The following DNAH7 variants were observed in gnomAD, a reference collection of about 807,000 sequenced individuals.
DNAH7 encodes the protein dynein axonemal heavy chain 7, also known as axonemal beta dynein heavy chain 7.
DNAH7 carries 397 observed loss-of-function variants against 444.6 expected under a neutral mutation model. That is an observed-to-expected ratio of 0.89 (90% CI 0.82 to 0.97). The LOEUF is 0.97. DNAH7 is among the 50% of genes least tolerant of loss of function. DNAH7 has a pLI of 0.00. For missense variants in DNAH7, 4,902 were observed against 4,800.8 expected (o/e 1.02, Z -0.62); for synonymous variants, 1,636 against 1,624.4 (o/e 1.01, Z -0.17).
chr2:195,835,402 TGAAAA>T (rs1698313163), intron 47 of DNAH7, among the ~76,000 whole-genome samples: 1 of 127,066 alleles, frequency 7.9e-6, no homozygotes, highest in East Asian at 2.2e-4. Context: ...AAAAAAAAAT[TGAAAA>T]GAAAAAAAGG....
intron 56 of DNAH7, among the ~76,000 whole-genome samples, chr2:195,795,153 G>A (rs996675571): frequency 6.6e-6 from 1 of 152,232 alleles, no homozygotes; most frequent in South Asian, 2.1e-4. Flanking sequence ...GGCCAAGGCA[G>A]GCAGATCACC....
At chr2:195,930,577 G>A (rs565189013) in intron 21 of DNAH7, among the ~76,000 whole-genome samples, 1 of 152,122 alleles carries the variant, frequency 6.6e-6, no homozygotes, top group African/African-American at 2.4e-5. Context: ...ACTATTGGTG[G>A]GATTGTAAGT....
intron 63 of DNAH7, among the ~76,000 whole-genome samples, chr2:195,744,109 T>C (rs1559065348): frequency 6.6e-6 from 1 of 152,170 alleles, no homozygotes; most frequent in Non-Finnish European, 1.5e-5. Flanking sequence ...CCTTTCCTAG[T>C]CAAAGAAAGG....
intron 17 of DNAH7, among the ~76,000 whole-genome samples, chr2:195,963,713 A>G (rs1691268343): frequency 1.3e-5 from 2 of 152,162 alleles, no homozygotes; most frequent in African/African-American, 2.4e-5. Context: ...AGTTTCTCCA[A>G]TGTTTCTTGT....
chr2:195,741,043 C>T (rs1422296414), intron 63 of DNAH7, 174 bp from the exon 64 acceptor site: 1 of 311,370 alleles, frequency 3.2e-6, no homozygotes, highest in Non-Finnish European at 5.9e-6. Context: ...ATTTCAAGAA[C>T]ATTGAAACTT....
chr2:195,924,755 C>G (rs189534033), intron 22 of DNAH7, among the ~76,000 whole-genome samples: 1 of 152,064 alleles, frequency 6.6e-6, no homozygotes. Flanking sequence ...TATAAAGATG[C>G]TAATAAACAA....
At chr2:195,824,154 T>C in intron 49 of DNAH7, 101 bp downstream of exon 49, 1 of 1,136,018 alleles carries the variant, frequency 8.8e-7, no homozygotes, top group Non-Finnish European at 1.2e-6. Flanking sequence ...TAAGGCAAAA[T>C]CCGTTTTTCT....
intron 60 of DNAH7, among the ~76,000 whole-genome samples, chr2:195,773,865 A>C (rs568088585): frequency 6.6e-6 from 1 of 152,368 alleles, no homozygotes; most frequent in African/African-American, 2.4e-5. Context: ...CAAACTTCTT[A>C]GCTCTGATAG....
At chr2:196,052,033 T>C (rs1697506034) in intron 2 of DNAH7, among the ~76,000 whole-genome samples, 1 of 152,248 alleles carries the variant, frequency 6.6e-6, no homozygotes, top group Non-Finnish European at 1.5e-5. Flanking sequence ...TTTTTACTTG[T>C]ATGCTTATAT....
intron 10 of DNAH7, among the ~76,000 whole-genome samples, chr2:196,004,757 C>G (rs1005082749): frequency 6.7e-6 from 1 of 148,602 alleles, no homozygotes; most frequent in Non-Finnish European, 1.5e-5. Flanking sequence ...CAAGACCAGC[C>G]TGGACAACAT....
In DNAH7 at chr2:195,794,541, G is replaced by A; in HGVS notation, c.10516-3C>T. 4.3e-6 allele frequency: 7 copies of A among 1,613,584 alleles called. No homozygotes were observed. The highest frequency in any genetic ancestry group is 5.9e-6 in the Non-Finnish European group (7 of 1,179,572). On this transcript the variant is annotated splice_region_variant and splice_polypyrimidine_tract_variant and intron_variant, in intron 56 of 64. Coordinates refer to ENST00000312428, the MANE Select transcript of DNAH7 (RefSeq NM_018897.3). ...TGTGTTGACTCTGGGCTTAACTCCT[G>A]TAAGAAAATAAATCAGATACAAAAG...
At chr2:196,053,980 T>C (rs1298365089) in intron 2 of DNAH7, among the ~76,000 whole-genome samples, 1 of 152,198 alleles carries the variant, frequency 6.6e-6, no homozygotes, top group Admixed American at 6.5e-5. Context: ...GATGCAGCGC[T>C]ACCTGACCCT....
rs180962980 is a variant in DNAH7, at chr2:196,065,364, A to G, written c.15+3333T>C. ...TTATTCTTAGGTATAAATATTTTAAATGAAAAATTCATCATAGGAACTCAA... is the reference window on the plus strand; with the variant it reads ...TTATTCTTAGGTATAAATATTTTAAGTGAAAAATTCATCATAGGAACTCAA... On this transcript the variant is annotated intron_variant, in intron 1 of 64. Coordinates refer to ENST00000312428, the MANE Select transcript of DNAH7 (RefSeq NM_018897.3). Among the ~76,000 whole-genome samples, 34 of 152,336 alleles carry G rather than the reference A, an allele frequency of 2.2e-4. No homozygotes were observed. The East Asian group carries it at 6.4e-3, about 28-fold the overall frequency.
intron 19 of DNAH7, among the ~76,000 whole-genome samples, chr2:195,953,830 A>C (rs1271218462): frequency 1.3e-5 from 2 of 152,220 alleles, no homozygotes; most frequent in Non-Finnish European, 2.9e-5. Flanking sequence ...CTAAGAATGA[A>C]GGCAATAACC....
intron 61 of DNAH7, among the ~76,000 whole-genome samples, chr2:195,768,999 T>C (rs1166415663): frequency 2.6e-5 from 4 of 152,130 alleles, no homozygotes; most frequent in African/African-American, 7.2e-5. Context: ...CACTGAGATA[T>C]TGGAAAAAGA....
At chr2:195,990,888 T>C (rs185100145) in intron 12 of DNAH7, among the ~76,000 whole-genome samples, 1 of 135,980 alleles carries the variant, frequency 7.4e-6, no homozygotes, top group Admixed American at 7.7e-5. Flanking sequence ...TATACATATA[T>C]ACTTATATAC....
chr2:195,875,598 AT>A (rs995963342), intron 38 of DNAH7, 76 bp downstream of exon 38: 7 of 1,386,010 alleles, frequency 5.1e-6, no homozygotes, highest in African/African-American at 4.4e-5. Context: ...TCAAAAGAGG[AT>A]TTTTTTCCAG....
intron 1 of DNAH7, among the ~76,000 whole-genome samples, chr2:196,058,925 G>A (rs138049359): frequency 5.3e-5 from 8 of 152,248 alleles, no homozygotes; most frequent in South Asian, 2.1e-4. Context: ...GAGATTTTAC[G>A]ACTTACTACA....
chr2:195,774,856 G>A (rs986319016), intron 60 of DNAH7, among the ~76,000 whole-genome samples: 1 of 152,170 alleles, frequency 6.6e-6, no homozygotes, highest in African/African-American at 2.4e-5. Context: ...TTACAATTCA[G>A]TTAATAGGAT....
Sources: gnomAD v4.1 joint callset for allele counts (sites outside exome capture counted in the v4.1 genomes callset) on GRCh38, gnomAD v4.1.1 for gene constraint, MANE v1.5 for transcripts, NCBI Gene and HGNC (gene_info 2026-07-23, HGNC 2026-07-21) for gene names.